The following LHCGR variants were observed in gnomAD, a reference collection of about 807,000 sequenced individuals.
LHCGR encodes luteinizing hormone/choriogonadotropin receptor, also known as lutropin-choriogonadotropic hormone receptor.
In LHCGR, 55 loss-of-function variants were observed where a neutral mutation model predicts 60.7. The observed-to-expected ratio is 0.91, with a 90% confidence interval of 0.73 to 1.13. LHCGR has a LOEUF of 1.13. Among genes scored for constraint, LHCGR ranks in the 50% most tolerant of loss-of-function variants. The probability of loss-of-function intolerance (pLI) is 0.00; values close to 1 mark genes in which losing one functional copy is unlikely to be tolerated. For missense variants in LHCGR, 862 were observed against 836.0 expected, an observed-to-expected ratio of 1.03 and a Z score of -0.38; for synonymous variants, 337 against 316.5, an observed-to-expected ratio of 1.06 and a Z score of -0.69.
rs1383068755 is a variant in LHCGR, at chr2:48,708,990, A to C, written c.638T>G (p.Met213Arg). 6.2e-7 allele frequency: 1 copy of C among 1,614,094 alleles called. No homozygotes were observed. Among genetic ancestry groups the C allele is most frequent in the Non-Finnish European group, 8.5e-7 (1 of 1,180,022 alleles). The stretch of plus-strand genomic sequence containing the variant: ...GGCCCCACGGAAGGCTCCATTGTGC[A>C]TCTTCTCCAGATGTACGTTTTCCTT... ...ELKENVHLEK[M>R]HNGAFRGATG... is the part of the protein sequence containing the mutation. Residue 213 changes from methionine (M) to arginine (R), a missense_variant, in exon 8 of 11, where the codon ATG becomes AGG. Transcript: ENST00000294954.
intron 4 of LHCGR, 147 bp downstream of exon 4, chr2:48,725,529 T>A: frequency 1.5e-6 from 1 of 677,024 alleles, no homozygotes. Flanking sequence ...AAATGACAAT[T>A]AAATTTAAAT....
In LHCGR at chr2:48,698,816, G is replaced by A. The variant is rs375206252; in HGVS notation, c.681-16C>T. The A allele has an allele frequency of 3.3e-5, 52 of 1,599,230 alleles. No individual in the cohort carries two copies. The highest frequency in any genetic ancestry group is 4.3e-5 in the Non-Finnish European group (50 of 1,168,126). The stretch of plus-strand genomic sequence containing the variant: ...AGAAATATCCCTGAACAATAAAGGG[G>A]AGAAATGCTTTTTATTTATTTATTT... On this transcript the variant is annotated splice_polypyrimidine_tract_variant and intron_variant, in intron 8 of 10. Transcript: ENST00000294954.
rs6545062 is a variant in LHCGR at position 48,725,485 on chromosome 2, G to A, written c.383+191C>T. Among the ~76,000 whole-genome samples the A allele has an allele frequency of 0.99, 150,679 of 152,352 alleles. 74,513 individuals are homozygous for A. Among genetic ancestry groups the A allele is most frequent in the East Asian group, 1 (5,180 of 5,182 alleles). On this transcript the variant is annotated intron_variant, in intron 4 of 10. Transcript: ENST00000294954. Reference sequence around the variant, plus strand: ...ATAAAATGTTGGGAACCACTTACATGTATGTAAAAGCACCCAGCTCGGTGG... The same window carrying A: ...ATAAAATGTTGGGAACCACTTACATATATGTAAAAGCACCCAGCTCGGTGG...
intron 8 of LHCGR, among the ~76,000 whole-genome samples, chr2:48,706,406 T>C (rs1667675615): frequency 6.6e-6 from 1 of 152,164 alleles, no homozygotes; most frequent in South Asian, 2.1e-4. Flanking sequence ...ATCTTTGTGG[T>C]GTTCTCTGTA....
intron 1 of LHCGR, among the ~76,000 whole-genome samples, chr2:48,733,669 G>C (rs1237293350): frequency 6.6e-6 from 1 of 152,076 alleles, no homozygotes; most frequent in Non-Finnish European, 1.5e-5. Flanking sequence ...GGTTAGGCAG[G>C]TGCACTGTGC....
At chr2:48,726,827 G>T (rs935985906) in intron 3 of LHCGR, among the ~76,000 whole-genome samples, 1 of 152,146 alleles carries the variant, frequency 6.6e-6, no homozygotes, top group Non-Finnish European at 1.5e-5. Context: ...TCACAGTAAG[G>T]CCTCAACCAG....
chr2:48,715,440 G>A (rs1165762723), intron 6 of LHCGR, among the ~76,000 whole-genome samples: 3 of 152,220 alleles, frequency 2.0e-5, no homozygotes, highest in Non-Finnish European at 4.4e-5. Flanking sequence ...GGGCTGTGGT[G>A]TGATGTAAAG....
chr2:48,718,174 C>T (rs1220375306), intron 6 of LHCGR, among the ~76,000 whole-genome samples: 7 of 152,050 alleles, frequency 4.6e-5, no homozygotes, highest in Admixed American at 3.3e-4. Context: ...TTGTCACAGG[C>T]ACAAAAATGA....
intron 1 of LHCGR, among the ~76,000 whole-genome samples, chr2:48,735,516 G>T (rs566391013): frequency 6.6e-6 from 1 of 152,156 alleles, no homozygotes; most frequent in African/African-American, 2.4e-5. Flanking sequence ...CCTGATCCCT[G>T]TATCTCTACC....
chr2:48,747,203 C>T (rs1347592005), intron 1 of LHCGR, among the ~76,000 whole-genome samples: 1 of 152,116 alleles, frequency 6.6e-6, no homozygotes, highest in East Asian at 1.9e-4. Context: ...ATTCTCCTGC[C>T]TCAGCCTCCC....
At chr2:48,711,194 C>T (rs1171203107) in intron 7 of LHCGR, among the ~76,000 whole-genome samples, 1 of 152,212 alleles carries the variant, frequency 6.6e-6, no homozygotes, top group East Asian at 1.9e-4. Flanking sequence ...TCAGTGAGGC[C>T]ATCCTGGATA....
Position 48,688,103 on chromosome 2 carries a change from G to C in LHCGR, c.1694C>G (p.Thr565Arg). 6.2e-7 allele frequency: 1 copy of C among 1,614,108 alleles called. No individual in the cohort carries two copies. Among genetic ancestry groups the C allele is most frequent in the East Asian group, 2.2e-5 (1 of 44,874 alleles). ...NPELMATNKD[T>R]KIAKKMAILI... The stretch of plus-strand genomic sequence containing the variant: ...GATTGCCATTTTCTTAGCAATCTTT[G>C]TATCTTTATTGGTAGCCATTAATTC... The change falls in exon 11 of 11, where the codon ACA becomes AGA. Residue 565 changes from threonine to arginine, a missense_variant. By Grantham distance (71) the Thr-to-Arg change is moderately conservative (BLOSUM62 -1). Coordinates refer to ENST00000294954, the MANE Select transcript of LHCGR (RefSeq NM_000233.4). This position sits in a 1 kb window ranked among gnomAD's most constrained non-coding sequence, Gnocchi z 5.2.
chr2:48,737,167 G>A (rs1473677401), intron 1 of LHCGR, among the ~76,000 whole-genome samples: 1 of 152,192 alleles, frequency 6.6e-6, no homozygotes, highest in African/African-American at 2.4e-5. Context: ...GAAGTGAAGT[G>A]TTTTTATTCA....
At chr2:48,709,122 A>G (rs943995072) in intron 7 of LHCGR, 100 bp from the exon 8 acceptor site, 30 of 910,628 alleles carry the variant, frequency 3.3e-5, no homozygotes, top group African/African-American at 9.7e-5. Context: ...TGCATGATGT[A>G]TAGGGTTAAA....
At chr2:48,748,434 G>T (rs551970975) in intron 1 of LHCGR, among the ~76,000 whole-genome samples, 13 of 152,180 alleles carry the variant, frequency 8.5e-5, no homozygotes, top group Non-Finnish European at 1.3e-4. Flanking sequence ...CAGGTATTAG[G>T]AGGTATGTGT....
rs1226367691 is a variant in LHCGR, at chr2:48,732,134, A to G, written c.162-836T>C. 5.9e-5 allele frequency among the ~76,000 whole-genome samples: 9 copies of G among 152,242 alleles called. No homozygotes were observed. The East Asian group carries it at 1.5e-3, about 26-fold the overall frequency. On this transcript the variant is annotated intron_variant, in intron 1 of 10. Coordinates refer to ENST00000294954, the MANE Select transcript of LHCGR (RefSeq NM_000233.4). ...GTATAGGATGATGTGTGAATGCTAA[A>G]GGAACTGGAGGTTAAGATAACTCAG...
intron 8 of LHCGR, among the ~76,000 whole-genome samples, chr2:48,707,308 T>A (rs1667735210): frequency 6.6e-6 from 1 of 152,200 alleles, no homozygotes; most frequent in African/African-American, 2.4e-5. Context: ...TGGCCAGAGC[T>A]CTCCTGTGTG....
intron 4 of LHCGR, among the ~76,000 whole-genome samples, chr2:48,725,216 G>T (rs919988379): frequency 6.6e-6 from 1 of 152,020 alleles, no homozygotes; most frequent in Non-Finnish European, 1.5e-5. Flanking sequence ...CTACCTTAAG[G>T]CAATACTTAA....
At chr2:48,736,291 C>A (rs571899920) in intron 1 of LHCGR, among the ~76,000 whole-genome samples, 12 of 152,246 alleles carry the variant, frequency 7.9e-5, no homozygotes, top group Non-Finnish European at 1.5e-4. Flanking sequence ...AAAGGCCCAG[C>A]CCCCTTGCCT....
Sources: allele counts gnomAD v4.1 joint callset (sites outside exome capture counted in the v4.1 genomes callset), GRCh38; gene constraint gnomAD v4.1.1; non-coding constraint Gnocchi (gnomAD v3.1); transcripts MANE v1.5; gene names NCBI Gene and HGNC (gene_info 2026-07-23, HGNC 2026-07-21).